Variants in FAM114A2 observed in about 807,000 individuals in gnomAD.
The protein encoded by FAM114A2 is family with sequence similarity 114 member A2.
A neutral mutation model predicts 58.4 loss-of-function variants in FAM114A2; 53 were observed. That is an observed-to-expected ratio of 0.91 (90% CI 0.73 to 1.14). FAM114A2 has a LOEUF of 1.14. FAM114A2 is among the 50% of genes most tolerant of loss of function. The pLI is 0.00. For missense variants in FAM114A2, 601 were observed against 581.1 expected (o/e 1.03, Z -0.35); for synonymous variants, 228 against 211.4 (o/e 1.08, Z -0.68).
In FAM114A2 at chr5:154,002,996, ACAATT is replaced by A. The variant is rs777937122; in HGVS notation, c.994-32_994-28del. The A allele has an allele frequency of 5.0e-6, 8 of 1,611,558 alleles. No homozygotes were observed. In the South Asian group the frequency reaches 8.8e-5, roughly 18 times the overall value. On this transcript the variant is annotated intron_variant, in intron 9 of 13. Coordinates refer to ENST00000351797, the MANE Select transcript of FAM114A2 (RefSeq NM_018691.4). The stretch of plus-strand genomic sequence containing the variant: ...TAAATAAGAAAAATATTGGCCATCA[ACAATT>A]CAATTCAGTTTACCAAAATTACTGT...
intron 1 of FAM114A2, among the ~76,000 whole-genome samples, chr5:154,035,495 C>A (rs1258566631): frequency 6.6e-6 from 1 of 152,210 alleles, no homozygotes; most frequent in Non-Finnish European, 1.5e-5. Flanking sequence ...ATAAGCCCCT[C>A]AAGATCCATT....
At chr5:154,007,087 G>A (rs1012493169) in intron 9 of FAM114A2, among the ~76,000 whole-genome samples, 5 of 152,094 alleles carry the variant, frequency 3.3e-5, no homozygotes, top group Admixed American at 2.6e-4. Context: ...GAGCCACCGC[G>A]CCTGGCCAGG....
intron 4 of FAM114A2, among the ~76,000 whole-genome samples, chr5:154,033,392 G>A (rs1400290875): frequency 6.6e-6 from 1 of 152,088 alleles, no homozygotes; most frequent in African/African-American, 2.4e-5. Flanking sequence ...GAACACAAAA[G>A]GAATACACCC....
At chr5:154,003,899 C>G (rs1770177731) in intron 9 of FAM114A2, among the ~76,000 whole-genome samples, 1 of 152,184 alleles carries the variant, frequency 6.6e-6, no homozygotes, top group South Asian at 2.1e-4. Context: ...TTTGGGTCAA[C>G]AGCAGACCAC....
intron 9 of FAM114A2, among the ~76,000 whole-genome samples, chr5:154,010,801 T>C (rs145225145): frequency 3.3e-5 from 5 of 152,288 alleles, no homozygotes; most frequent in African/African-American, 9.6e-5. Flanking sequence ...ACACGCCAAA[T>C]AGTCATTATC....
chr5:154,034,137 C>T, intron 3 of FAM114A2, 141 bp downstream of exon 3: 1 of 629,288 alleles, frequency 1.6e-6, no homozygotes, highest in Non-Finnish European at 2.8e-6. Context: ...TATATCAGCC[C>T]ATCATTACTA....
intron 9 of FAM114A2, among the ~76,000 whole-genome samples, chr5:154,004,068 G>A (rs1770189405): frequency 6.6e-6 from 1 of 152,150 alleles, no homozygotes; most frequent in Non-Finnish European, 1.5e-5. Context: ...GTGTGTAACA[G>A]GCTACATCAG....
chr5:154,029,013 T>TA (rs376568933), intron 5 of FAM114A2, among the ~76,000 whole-genome samples: 153 of 152,076 alleles, frequency 1.0e-3, no homozygotes, highest in African/African-American at 3.3e-3. Flanking sequence ...AGTTAAAATT[T>TA]AAAAAAAACT....
intron 4 of FAM114A2, among the ~76,000 whole-genome samples, chr5:154,029,883 G>A (rs1054786780): frequency 5.9e-5 from 9 of 152,128 alleles, no homozygotes; most frequent in Non-Finnish European, 1.5e-5. Flanking sequence ...TGTAAGGTCA[G>A]AAAACAGATC....
At chr5:154,030,004 A>G (rs1772077034) in intron 4 of FAM114A2, among the ~76,000 whole-genome samples, 1 of 152,198 alleles carries the variant, frequency 6.6e-6, no homozygotes, top group Admixed American at 6.5e-5. Flanking sequence ...ATACAGATAT[A>G]GGAAACATTC....
chr5:154,008,509 G>C (rs765950596), intron 9 of FAM114A2, among the ~76,000 whole-genome samples: 1 of 152,124 alleles, frequency 6.6e-6, no homozygotes, highest in Non-Finnish European at 1.5e-5. Context: ...GACCTCATAT[G>C]ATGGGTTGTA....
chr5:154,027,178 T>G lies in FAM114A2; in HGVS notation c.787A>C (p.Lys263Gln), dbSNP rs767416344. 5.6e-6 allele frequency: 9 copies of G among 1,607,994 alleles called. No individual in the cohort carries two copies. The highest frequency in any genetic ancestry group is 3.4e-5 in the Admixed American group (2 of 58,460). ...TTGAGATTTTGGCTTGGAATTACCTTTATTTCACTTTCTTGGGAAAGCATC... is the reference window on the plus strand; with the variant it reads ...TTGAGATTTTGGCTTGGAATTACCTGTATTTCACTTTCTTGGGAAAGCATC... ...LEMLSQESEI[K>Q]VKSILNSLSG... Residue 263 changes from lysine (K) to glutamine (Q), a missense_variant and splice_region_variant, in exon 7 of 14, where the codon AAG becomes CAG. Coordinates refer to ENST00000351797, the MANE Select transcript of FAM114A2 (RefSeq NM_018691.4).
At chr5:154,014,761 T>C (rs939226132) in intron 8 of FAM114A2, among the ~76,000 whole-genome samples, 2 of 152,090 alleles carry the variant, frequency 1.3e-5, no homozygotes, top group South Asian at 2.1e-4. Flanking sequence ...AAACCTCCAG[T>C]TGAACTTCGC....
At chr5:154,012,965 T>C (rs1030278147) in intron 8 of FAM114A2, among the ~76,000 whole-genome samples, 1 of 151,628 alleles carries the variant, frequency 6.6e-6, no homozygotes, top group Non-Finnish European at 1.5e-5. Flanking sequence ...TTTTAGAATG[T>C]TAATTATACA....
chr5:154,007,718 G>A (rs551879509), intron 9 of FAM114A2, among the ~76,000 whole-genome samples: 2 of 152,252 alleles, frequency 1.3e-5, no homozygotes, highest in Non-Finnish European at 2.9e-5. Flanking sequence ...CATAATAAAG[G>A]TTTATTGAAC....
chr5:154,034,634 G>C, intron 2 of FAM114A2, 110 bp downstream of exon 2: 1 of 811,060 alleles, frequency 1.2e-6, no homozygotes, highest in Non-Finnish European at 2.1e-6. Context: ...TAAAGAGAAA[G>C]AAATAAGAGC....
At chr5:154,029,884 A>G (rs894830223) in intron 4 of FAM114A2, among the ~76,000 whole-genome samples, 2 of 152,224 alleles carry the variant, frequency 1.3e-5, no homozygotes, top group African/African-American at 4.8e-5. Context: ...GTAAGGTCAG[A>G]AAACAGATCA....
rs967064269 is a variant in FAM114A2, at chr5:154,029,608, T to C, written c.404-28A>G. 3 of 1,303,898 alleles carry C rather than the reference T, an allele frequency of 2.3e-6. No individual in the cohort carries two copies. The African/African-American group carries it at 4.4e-5, about 19-fold the overall frequency. 80.8% of individuals were successfully genotyped at this position (1,303,898 alleles called of 1,614,324 possible). A position where few individuals can be genotyped will look rare whatever the true frequency, so the allele number is the denominator to read the frequency against. Reference sequence around the variant, plus strand: ...ACAAGAGGGAGGGGATGTGTAAACATGAAGGGAAGGTCCCTTAACTCTCAG... The same window carrying C: ...ACAAGAGGGAGGGGATGTGTAAACACGAAGGGAAGGTCCCTTAACTCTCAG... On this transcript the variant is annotated intron_variant, in intron 4 of 13. Transcript: ENST00000351797.
chr5:154,008,292 T>C (rs2113291366), intron 9 of FAM114A2, among the ~76,000 whole-genome samples: 1 of 152,238 alleles, frequency 6.6e-6, no homozygotes, highest in East Asian at 1.9e-4. Flanking sequence ...CTGAGTATAT[T>C]TTTTGTGCAG....
Sources: gnomAD v4.1 joint callset for allele counts (sites outside exome capture counted in the v4.1 genomes callset) on GRCh38, gnomAD v4.1.1 for gene constraint, MANE v1.5 for transcripts, NCBI Gene and HGNC (gene_info 2026-07-23, HGNC 2026-07-21) for gene names.